HRH2: variants seen among roughly 807,000 people sequenced by gnomAD.
The protein encoded by HRH2 is histamine receptor H2, also known as histamine H2 receptor.
In HRH2, 4 loss-of-function variants were observed where a neutral mutation model predicts 20.1. The ratio of observed to expected loss-of-function variants is 0.20; its 90% CI spans 0.10 to 0.45. The LOEUF (loss-of-function observed/expected upper bound fraction) is 0.45. Among genes scored for constraint, HRH2 ranks in the 20% least tolerant of loss-of-function variants. HRH2 has a pLI of 0.99. For synonymous variants in HRH2, 197 were observed against 200.7 expected (o/e 0.98, Z 0.16); for missense variants, 250 against 461.6 (o/e 0.54, Z 4.20).
intron 1 of HRH2, among the ~76,000 whole-genome samples, chr5:175,676,996 TTCTC>T (rs939357912): frequency 6.6e-6 from 1 of 152,338 alleles, no homozygotes; most frequent in Middle Eastern, 3.4e-3. Flanking sequence ...TTTCTTTTCT[TTCTC>T]TCTTTCTTTT....
Position 175,703,441 on chromosome 5 carries a change from T to C in HRH2, c.1077-4338T>C, listed in dbSNP as rs551822244. ...CTAAAACGCTACTCAAAAGGAAATA[T>C]ATAGCCATAATGGCTCATATTTTTA... On this transcript the variant is annotated intron_variant, in intron 2 of 2. Transcript: ENST00000636584. Among the ~76,000 whole-genome samples, 11 of 152,322 alleles carry C rather than the reference T, an allele frequency of 7.2e-5. No individual in the cohort carries two copies. The East Asian group carries it at 1.7e-3, about 24-fold the overall frequency.
At chr5:175,685,374 C>T in intron 2 of HRH2, 3 of 1,536,198 alleles carry the variant, frequency 2.0e-6, no homozygotes, top group Non-Finnish European at 2.6e-6. Context: ...ATAGAAGTTG[C>T]TCAATAAATG....
intron 1 of HRH2, among the ~76,000 whole-genome samples, chr5:175,659,910 T>G (rs1762685513): frequency 6.6e-6 from 1 of 152,160 alleles, no homozygotes; most frequent in Admixed American, 6.5e-5. Context: ...CAGTACTACA[T>G]AGGAAGCCGA....
chr5:175,704,810 A>T (rs1196620183), intron 2 of HRH2, among the ~76,000 whole-genome samples: 1 of 152,032 alleles, frequency 6.6e-6, no homozygotes, highest in East Asian at 1.9e-4. Flanking sequence ...AAAATTAGAC[A>T]TTGAAGAAGA....
chr5:175,662,522 AG>A (rs941603095), intron 1 of HRH2, among the ~76,000 whole-genome samples: 46 of 152,312 alleles, frequency 3.0e-4, no homozygotes, highest in African/African-American at 1.1e-3. Context: ...AGGTAGCCAC[AG>A]GTGTTTACCA....
In HRH2 at chr5:175,687,559, C is replaced by G. The variant is rs919392209; in HGVS notation, c.1076+3250C>G. The stretch of plus-strand genomic sequence containing the variant: ...TGTTCCTGCCCAGCCTCTATGAGTG[C>G]TCTTTGCAGCACACTCAGGGCAGCT... On this transcript the variant is annotated intron_variant, in intron 2 of 2. Coordinates refer to ENST00000636584, the MANE Select transcript of HRH2 (RefSeq NM_001367711.1). This position sits in a 1 kb window ranked among gnomAD's most constrained non-coding sequence, Gnocchi z 5.2. Among the ~76,000 whole-genome samples, 2 of 152,106 alleles carry G rather than the reference C, an allele frequency of 1.3e-5. No homozygotes were observed. The highest frequency in any genetic ancestry group is 2.9e-5 in the Non-Finnish European group (2 of 68,022).
chr5:175,694,307 G>A (rs28526343), intron 2 of HRH2, among the ~76,000 whole-genome samples: 1,593 of 152,200 alleles, frequency 0.01, 32 homozygotes, highest in African/African-American at 0.036. Context: ...CATGCAGTCC[G>A]CACAGGCTTC....
chr5:175,701,012 CACAT>C (rs1227067956), intron 2 of HRH2, among the ~76,000 whole-genome samples: 2 of 152,208 alleles, frequency 1.3e-5, no homozygotes, highest in African/African-American at 4.8e-5. Flanking sequence ...AGCAGGATAA[CACAT>C]ACAGATGGTG....
At chr5:175,662,074 G>C (rs182155618) in intron 1 of HRH2, among the ~76,000 whole-genome samples, 20 of 152,256 alleles carry the variant, frequency 1.3e-4, no homozygotes, top group African/African-American at 4.3e-4. Context: ...GGAGCTTACA[G>C]ACAGTGGGGT....
At chr5:175,690,692 T>A (rs1756339681) in intron 2 of HRH2, among the ~76,000 whole-genome samples, 2 of 152,118 alleles carry the variant, frequency 1.3e-5, no homozygotes, top group Admixed American at 6.5e-5. Context: ...ACAATCACAA[T>A]CCGTTTTAGA....
chr5:175,666,992 C>A (rs1165107140), intron 1 of HRH2, among the ~76,000 whole-genome samples: 4 of 151,238 alleles, frequency 2.6e-5, no homozygotes, highest in African/African-American at 4.9e-5. Flanking sequence ...TTTATTCTCC[C>A]AGGTTTTCTT....
intron 2 of HRH2, among the ~76,000 whole-genome samples, chr5:175,704,871 A>G (rs535100305): frequency 6.6e-6 from 1 of 151,976 alleles, no homozygotes; most frequent in East Asian, 1.9e-4. Flanking sequence ...AAAATCTAGT[A>G]TGTCTTTTGT....
At position 175,683,844 on chromosome 5, in the gene HRH2, G is replaced by C. The variant is rs766094225; in HGVS notation, c.611G>C (p.Arg204Pro). 1 of 1,614,120 alleles carries C rather than the reference G, an allele frequency of 6.2e-7. No individual in the cohort carries two copies. Among genetic ancestry groups the C allele is most frequent in the Non-Finnish European group, 8.5e-7 (1 of 1,180,044 alleles). Residue 204 changes from arginine (R) to proline (P), a missense_variant, in exon 2 of 3, where the codon CGC (arginine) becomes CCC (proline). Arg to Pro is a moderately radical substitution (Grantham distance 103). Transcript: ENST00000636584. ...CTGATCATGTGCATCACCTACTACC[G>C]CATCTTCAAGGTCGCCCGGGATCAG... Reference protein sequence around the residue: ...PLLIMCITYYRIFKVARDQAK... With the variant: ...PLLIMCITYYPIFKVARDQAK...
rs765686679 is a variant in HRH2 at position 175,683,296 on chromosome 5, C to T, written c.63C>T (p.Ile21=). The T allele has an allele frequency of 1.2e-6, 2 of 1,614,200 alleles. No homozygotes were observed. Among genetic ancestry groups the T allele is most frequent in the South Asian group, 2.2e-5 (2 of 91,084 alleles). Residue 21 remains isoleucine (I), a synonymous_variant, in exon 2 of 3, where the codon ATC becomes ATT. Coordinates refer to ENST00000636584, the MANE Select transcript of HRH2 (RefSeq NM_001367711.1). ...ACTCTACCGCATGCAAGATCACCAT[C>T]ACCGTGGTCCTTGCGGTCCTCATCC... ...CLDSTACKIT[I]TVVLAVLILI...
rs35616765 is a variant in HRH2, at chr5:175,683,091, CAAAAAAAAA to C, written c.-130_-122del. The C allele has an allele frequency of 2.4e-5, 14 of 583,850 alleles. No individual in the cohort carries two copies. The highest frequency in any genetic ancestry group is 1.6e-4 in the African/African-American group (5 of 31,026). The allele number at this position is 583,850 out of a possible 1,614,324, so 36.2% of individuals were successfully genotyped here. On this transcript the variant is annotated 5_prime_UTR_variant, in exon 2 of 3. Coordinates refer to ENST00000636584, the MANE Select transcript of HRH2 (RefSeq NM_001367711.1). ...ATTGAAGCCTTCCCCACCCCCTGGC[CAAAAAAAAA>C]AAAAAAAAAAAACTGGACACATTTT...
intron 2 of HRH2, among the ~76,000 whole-genome samples, chr5:175,704,864 A>C (rs1756895895): frequency 6.6e-6 from 1 of 151,808 alleles, no homozygotes; most frequent in Non-Finnish European, 1.5e-5. Context: ...CTTCATAAAA[A>C]TCTAGTATGT....
At chr5:175,659,323 C>T (rs1291368552) in intron 1 of HRH2, among the ~76,000 whole-genome samples, 2 of 152,156 alleles carry the variant, frequency 1.3e-5, no homozygotes, top group Non-Finnish European at 2.9e-5. Context: ...AATGAGTTTC[C>T]TGTCCCTGGA....
At chr5:175,696,120 A>G (rs967477544) in intron 2 of HRH2, among the ~76,000 whole-genome samples, 1 of 152,246 alleles carries the variant, frequency 6.6e-6, no homozygotes, top group Admixed American at 6.5e-5. Flanking sequence ...GGTGACTGAC[A>G]TTGAGAATCA....
At chr5:175,666,509 C>T (rs1236740213) in intron 1 of HRH2, among the ~76,000 whole-genome samples, 1 of 152,210 alleles carries the variant, frequency 6.6e-6, no homozygotes, top group African/African-American at 2.4e-5. Flanking sequence ...TCACAGCAGC[C>T]TCGACCTCCC....
Sources: gnomAD v4.1 joint callset for allele counts (sites outside exome capture counted in the v4.1 genomes callset) on GRCh38, gnomAD v4.1.1 for gene constraint, Gnocchi (gnomAD v3.1) non-coding constraint, MANE v1.5 for transcripts, NCBI Gene and HGNC (gene_info 2026-07-23, HGNC 2026-07-21) for gene names.